AHI1: variants seen among roughly 807,000 people sequenced by gnomAD.
The protein encoded by AHI1 is jouberin.
Under a neutral mutation model 149.3 loss-of-function variants are expected in AHI1, and 123 were observed. The ratio of observed to expected loss-of-function variants is 0.82; its 90% CI spans 0.71 to 0.96. The LOEUF (loss-of-function observed/expected upper bound fraction) is 0.96, where lower values mean the gene tolerates loss of function less well. AHI1 is among the 40% of genes least tolerant of loss of function. AHI1 has a pLI of 0.00. For synonymous variants in AHI1, 475 were observed against 459.8 expected, an observed-to-expected ratio of 1.03 and a Z score of -0.42; for missense variants, 1,439 against 1,422.7, an observed-to-expected ratio of 1.01 and a Z score of -0.18.
intron 23 of AHI1, among the ~76,000 whole-genome samples, chr6:135,368,889 A>C (rs187527340): frequency 6.6e-6 from 1 of 152,250 alleles, no homozygotes. Flanking sequence ...TTCTGTGCTC[A>C]TATCTGCACT....
intron 27 of AHI1, among the ~76,000 whole-genome samples, chr6:135,300,034 T>C (rs7765971): frequency 0.2 from 30,328 of 152,104 alleles, 7,842 homozygotes; most frequent in African/African-American, 0.6. Flanking sequence ...AAATATTCAT[T>C]GTTTAAACAG....
intron 20 of AHI1, among the ~76,000 whole-genome samples, chr6:135,412,201 C>G (rs1781700988): frequency 6.6e-6 from 1 of 152,016 alleles, no homozygotes; most frequent in South Asian, 2.1e-4. Context: ...ATAAAAAATA[C>G]AGTATGATAA....
intron 3 of AHI1, among the ~76,000 whole-genome samples, chr6:135,494,811 T>A (rs187250477): frequency 7.9e-5 from 12 of 152,272 alleles, no homozygotes; most frequent in Admixed American, 2.6e-4. Flanking sequence ...GGGAGATAGG[T>A]GAAAAACTGG....
At chr6:135,490,051 CAG>C in intron 5 of AHI1, 1 of 637,228 alleles carries the variant, frequency 1.6e-6, no homozygotes, top group South Asian at 1.9e-5. Context: ...GATGCCAATA[CAG>C]ACTCTTTATG....
Position 135,431,200 on chromosome 6 carries a change from T to C in AHI1, c.2373+8A>G. On this transcript the variant is annotated splice_region_variant and intron_variant, in intron 17 of 28. Transcript: ENST00000265602. ...TTAAATCCCAAAATATAAAATATGA[T>C]TTTATACCTTATTTATAGTCCAGTG... The C allele has an allele frequency of 6.6e-6, 10 of 1,523,980 alleles. No homozygotes were observed. Among genetic ancestry groups the C allele is most frequent in the Non-Finnish European group, 8.9e-6 (10 of 1,118,400 alleles). The allele number at this position is 1,523,980 out of a possible 1,614,324, so 94.4% of individuals were successfully genotyped here. A position where few individuals can be genotyped will look rare whatever the true frequency, so the allele number is the denominator to read the frequency against.
chr6:135,344,318 T>A (rs1177645222), intron 24 of AHI1, among the ~76,000 whole-genome samples: 1 of 151,638 alleles, frequency 6.6e-6, no homozygotes, highest in Non-Finnish European at 1.5e-5. Flanking sequence ...TACAAATAAC[T>A]CTTACAAGTC....
At chr6:135,476,597 T>C (rs969285369) in intron 5 of AHI1, among the ~76,000 whole-genome samples, 3 of 152,180 alleles carry the variant, frequency 2.0e-5, no homozygotes, top group Non-Finnish European at 4.4e-5. Context: ...CTGTAATTGC[T>C]GATTTATCTA....
chr6:135,331,850 C>CAGG (rs1211095441), intron 24 of AHI1, among the ~76,000 whole-genome samples: 3 of 152,094 alleles, frequency 2.0e-5, no homozygotes, highest in Non-Finnish European at 4.4e-5. Flanking sequence ...ATGCTTTCTC[C>CAGG]TTGACTAACC....
chr6:135,487,336 T>G (rs1019699562), intron 5 of AHI1, among the ~76,000 whole-genome samples: 1 of 152,198 alleles, frequency 6.6e-6, no homozygotes, highest in Non-Finnish European at 1.5e-5. Flanking sequence ...GTTACGTGAC[T>G]TTTTCTTCCT....
chr6:135,382,738 T>C (rs1178919880), intron 23 of AHI1, among the ~76,000 whole-genome samples: 1 of 151,554 alleles, frequency 6.6e-6, no homozygotes, highest in African/African-American at 2.4e-5. Flanking sequence ...AGATTTAATT[T>C]TTTAAAAAGT....
At chr6:135,396,984 ATTCT>A (rs1304832124) in intron 22 of AHI1, among the ~76,000 whole-genome samples, 8 of 152,008 alleles carry the variant, frequency 5.3e-5, no homozygotes, top group African/African-American at 1.9e-4. Context: ...AAGACTTGTC[ATTCT>A]TTTACAACAA....
intron 24 of AHI1, among the ~76,000 whole-genome samples, chr6:135,357,232 C>T (rs760242721): frequency 3.9e-5 from 6 of 152,170 alleles, no homozygotes; most frequent in South Asian, 2.1e-4. Flanking sequence ...CCACTGTGTC[C>T]GGCCATCTTT....
At chr6:135,349,154 T>TA (rs953548634) in intron 24 of AHI1, among the ~76,000 whole-genome samples, 1 of 151,844 alleles carries the variant, frequency 6.6e-6, no homozygotes, top group Non-Finnish European at 1.5e-5. Flanking sequence ...CTAGCTAATT[T>TA]AAAAAAAATG....
chr6:135,332,874 A>G (rs1788807829), intron 24 of AHI1, among the ~76,000 whole-genome samples: 1 of 152,210 alleles, frequency 6.6e-6, no homozygotes, highest in Non-Finnish European at 1.5e-5. Flanking sequence ...TCTTTTGCTC[A>G]GCTCACTGGA....
intron 11 of AHI1, among the ~76,000 whole-genome samples, chr6:135,449,576 A>G (rs1312638645): frequency 6.6e-6 from 1 of 152,192 alleles, no homozygotes; most frequent in African/African-American, 2.4e-5. Context: ...GTATTTAACA[A>G]CTGTTACTTG....
intron 27 of AHI1, among the ~76,000 whole-genome samples, chr6:135,298,822 C>T (rs754901589): frequency 1.3e-5 from 2 of 152,102 alleles, no homozygotes; most frequent in Non-Finnish European, 2.9e-5. Context: ...TGACATGGAT[C>T]TCTGTATCTC....
At chr6:135,402,425 C>G (rs1269604715) in intron 22 of AHI1, among the ~76,000 whole-genome samples, 1 of 152,116 alleles carries the variant, frequency 6.6e-6, no homozygotes, top group Admixed American at 6.5e-5. Flanking sequence ...CCCAAATGTT[C>G]ATAAACTGAT....
intron 10 of AHI1, among the ~76,000 whole-genome samples, chr6:135,454,013 A>G (rs1017995765): frequency 5.0e-4 from 76 of 152,184 alleles, no homozygotes; most frequent in African/African-American, 1.8e-3. Flanking sequence ...GGTGCTTATT[A>G]AAAGCTCAGC....
At chr6:135,325,117 C>T (rs1483394207) in intron 24 of AHI1, among the ~76,000 whole-genome samples, 2 of 151,942 alleles carry the variant, frequency 1.3e-5, no homozygotes, top group Non-Finnish European at 2.9e-5. Flanking sequence ...ACCTCCGCCA[C>T]CCGGGTTCAA....
Sources: gnomAD v4.1 joint callset for allele counts (sites outside exome capture counted in the v4.1 genomes callset) on GRCh38, gnomAD v4.1.1 for gene constraint, MANE v1.5 for transcripts, NCBI Gene and HGNC (gene_info 2026-07-23, HGNC 2026-07-21) for gene names.